Variants in BCKDHB observed in about 807,000 individuals in gnomAD.
BCKDHB encodes branched chain keto acid dehydrogenase E1 subunit beta, also known as 2-oxoisovalerate dehydrogenase subunit beta, mitochondrial.
BCKDHB carries 41 observed loss-of-function variants against 48.5 expected under a neutral mutation model. The observed-to-expected ratio is 0.85, with a 90% confidence interval of 0.66 to 1.10. The LOEUF (loss-of-function observed/expected upper bound fraction) is 1.10. Ranked by LOEUF, BCKDHB falls within the 50% of genes least tolerant of loss-of-function variation. BCKDHB has a pLI of 0.00. For synonymous variants in BCKDHB, 201 were observed against 174.8 expected (o/e 1.15, Z -1.18); for missense variants, 496 against 494.2 (o/e 1.00, Z -0.03).
chr6:80,170,142 T>C (rs533556860), intron 5 of BCKDHB, among the ~76,000 whole-genome samples: 155 of 152,264 alleles, frequency 1.0e-3, no homozygotes, highest in Non-Finnish European at 1.6e-3. Flanking sequence ...GAACATAAGA[T>C]AAAGACATTG....
At chr6:80,198,487 T>C (rs1268674888) in intron 6 of BCKDHB, among the ~76,000 whole-genome samples, 1 of 152,186 alleles carries the variant, frequency 6.6e-6, no homozygotes, top group African/African-American at 2.4e-5. Flanking sequence ...GATATTAAGC[T>C]CTCACTGACA....
chr6:80,158,471 A>G (rs928521205), intron 3 of BCKDHB, among the ~76,000 whole-genome samples: 5 of 152,142 alleles, frequency 3.3e-5, no homozygotes, highest in African/African-American at 1.2e-4. Context: ...AATTATAGGT[A>G]AACTTCCTAA....
At chr6:80,373,433 G>C in the BCKDHB span, among the ~76,000 whole-genome samples, 1 of 151,758 alleles carries the variant, frequency 6.6e-6, no homozygotes, top group Non-Finnish European at 1.5e-5. Context: ...TATCTTTTTT[G>C]TTGTTGTTGT....
the BCKDHB span, among the ~76,000 whole-genome samples, chr6:80,463,390 G>A: frequency 1.3e-5 from 2 of 152,172 alleles, no homozygotes; most frequent in East Asian, 3.9e-4. Context: ...TGAAAAGTAT[G>A]TTTGATTCTT....
the BCKDHB span, among the ~76,000 whole-genome samples, chr6:80,415,683 T>A: frequency 6.6e-6 from 1 of 152,132 alleles, no homozygotes; most frequent in Non-Finnish European, 1.5e-5. Context: ...CAGTATTTGA[T>A]TGAGGATTTT....
chr6:80,254,583 C>A (rs1332346281), intron 8 of BCKDHB, among the ~76,000 whole-genome samples: 1 of 152,006 alleles, frequency 6.6e-6, no homozygotes, highest in Non-Finnish European at 1.5e-5. Context: ...ACCTTTGGTC[C>A]CATCTACTCT....
At chr6:80,432,446 A>G in the BCKDHB span, among the ~76,000 whole-genome samples, 1 of 151,902 alleles carries the variant, frequency 6.6e-6, no homozygotes, top group Non-Finnish European at 1.5e-5. Context: ...TCAATCACTG[A>G]TATCCTTTCT....
chr6:80,133,190 ACTG>A (rs1199139969), intron 3 of BCKDHB, among the ~76,000 whole-genome samples: 1 of 152,256 alleles, frequency 6.6e-6, no homozygotes, highest in Admixed American at 6.5e-5. Context: ...CAGCACTTGA[ACTG>A]CTGCAAAGCA....
chr6:80,255,086 CAT>C (rs1355920528), intron 8 of BCKDHB, among the ~76,000 whole-genome samples: 3 of 152,186 alleles, frequency 2.0e-5, no homozygotes, highest in African/African-American at 7.2e-5. Context: ...ATTGTCACCA[CAT>C]GTTATATCTG....
intron 9 of BCKDHB, among the ~76,000 whole-genome samples, chr6:80,295,860 C>T (rs890102853): frequency 5.3e-5 from 8 of 152,114 alleles, no homozygotes; most frequent in African/African-American, 1.9e-4. Flanking sequence ...CCCACCGGAT[C>T]CCTCCTATGA....
intron 4 of BCKDHB, among the ~76,000 whole-genome samples, chr6:80,168,327 A>G (rs1772680824): frequency 6.8e-6 from 1 of 147,184 alleles, no homozygotes; most frequent in African/African-American, 2.5e-5. Flanking sequence ...GAGAGAGGGG[A>G]GAGGGAAGAA....
intron 9 of BCKDHB, among the ~76,000 whole-genome samples, chr6:80,298,143 C>T (rs1767355104): frequency 6.6e-6 from 1 of 152,024 alleles, no homozygotes; most frequent in African/African-American, 2.4e-5. Flanking sequence ...GACAGAGTCT[C>T]ACTCTGTCAC....
chr6:80,448,924 C>T, the BCKDHB span, among the ~76,000 whole-genome samples: 1 of 152,054 alleles, frequency 6.6e-6, no homozygotes, highest in African/African-American at 2.4e-5. Flanking sequence ...ACATGTACCC[C>T]CTGAATTTAA....
chr6:80,258,506 A>C (rs928754778), intron 8 of BCKDHB, among the ~76,000 whole-genome samples: 4 of 152,268 alleles, frequency 2.6e-5, no homozygotes, highest in African/African-American at 9.6e-5. Context: ...AATGTTCTAA[A>C]GCAGCAAACA....
chr6:80,373,029 A>G, the BCKDHB span, among the ~76,000 whole-genome samples: 1 of 152,208 alleles, frequency 6.6e-6, no homozygotes, highest in South Asian at 2.1e-4. Context: ...ATTGGTACCA[A>G]TTCTTCTTTG....
chr6:80,367,366 G>A, the BCKDHB span, among the ~76,000 whole-genome samples: 1 of 152,038 alleles, frequency 6.6e-6, no homozygotes, highest in Non-Finnish European at 1.5e-5. Flanking sequence ...TAACTTATAT[G>A]TGTACTCACC....
chr6:80,348,232 C>G (rs9361604), downstream of BCKDHB, among the ~76,000 whole-genome samples: 1 of 151,770 alleles, frequency 6.6e-6, no homozygotes, highest in Non-Finnish European at 1.5e-5. Flanking sequence ...AAATGAGGAA[C>G]AAGATTCAGA....
At chr6:80,325,259 GA>G (rs776691837) in intron 9 of BCKDHB, among the ~76,000 whole-genome samples, 2 of 151,730 alleles carry the variant, frequency 1.3e-5, no homozygotes, top group East Asian at 3.9e-4. Flanking sequence ...ATCCTTTTTT[GA>G]AAAAATCATT....
chr6:80,423,325 C>T, the BCKDHB span, among the ~76,000 whole-genome samples: 1 of 152,050 alleles, frequency 6.6e-6, no homozygotes, highest in Non-Finnish European at 1.5e-5. Context: ...CATAAATTAC[C>T]CAGTCTCAGG....
Sources: gnomAD v4.1 joint callset for allele counts (sites outside exome capture counted in the v4.1 genomes callset) on GRCh38, gnomAD v4.1.1 for gene constraint, MANE v1.5 for transcripts, NCBI Gene and HGNC (gene_info 2026-07-23, HGNC 2026-07-21) for gene names.